ATR: variants seen among roughly 807,000 people sequenced by gnomAD.
ATR encodes serine/threonine-protein kinase ATR.
Under a neutral mutation model 305.3 loss-of-function variants are expected in ATR, and 142 were observed. That is an observed-to-expected ratio of 0.47 (90% CI 0.41 to 0.53). The LOEUF (loss-of-function observed/expected upper bound fraction) is 0.53. Ranked by LOEUF, ATR falls within the 20% of genes least tolerant of loss-of-function variation. The probability of loss-of-function intolerance (pLI) is 0.00; values close to 1 mark genes in which losing one functional copy is unlikely to be tolerated. For synonymous variants in ATR, 1,050 were observed against 1,068.1 expected (o/e 0.98, Z 0.33); for missense variants, 2,135 against 3,133.1 (o/e 0.68, Z 7.60).
intron 41 of ATR, among the ~76,000 whole-genome samples, chr3:142,464,094 GA>G (rs1302654041): frequency 6.6e-6 from 1 of 152,078 alleles, no homozygotes; most frequent in African/African-American, 2.4e-5. Context: ...CAACAGAACT[GA>G]AAAAATGCTA....
intron 30 of ATR, among the ~76,000 whole-genome samples, chr3:142,502,887 T>A (rs1242667551): frequency 1.3e-5 from 2 of 152,226 alleles, no homozygotes; most frequent in Admixed American, 6.5e-5. Context: ...CATGTATTAT[T>A]TTTTGTTTAA....
intron 3 of ATR, among the ~76,000 whole-genome samples, chr3:142,565,186 T>C (rs1240804640): frequency 6.6e-6 from 1 of 152,098 alleles, no homozygotes; most frequent in Non-Finnish European, 1.5e-5. Flanking sequence ...AGAGCACAGT[T>C]TAATAGCCTC....
chr3:142,560,205 A>G, intron 6 of ATR, 58 bp downstream of exon 6: 1 of 1,513,898 alleles, frequency 6.6e-7, no homozygotes, highest in African/African-American at 1.4e-5. Flanking sequence ...ATGAGTAAAC[A>G]GTAAATCCAA....
chr3:142,514,807 CAAAAAA>C (rs56770183), intron 25 of ATR, among the ~76,000 whole-genome samples: 1 of 99,864 alleles, frequency 1.0e-5, no homozygotes. Flanking sequence ...GACTCCGTCA[CAAAAAA>C]AAAAAAAAAA....
At chr3:142,513,704 A>G in intron 25 of ATR, 66 bp from the exon 26 acceptor site, 1 of 1,477,164 alleles carries the variant, frequency 6.8e-7, no homozygotes, top group Non-Finnish European at 9.4e-7. Flanking sequence ...AAAGAGTAGC[A>G]TGTGAGATAA....
chr3:142,471,683 T>C (rs141464362), intron 36 of ATR, among the ~76,000 whole-genome samples: 9 of 152,322 alleles, frequency 5.9e-5, no homozygotes, highest in African/African-American at 2.2e-4. Context: ...ATGTATACAT[T>C]GTGGAAGAGC....
At chr3:142,575,302 T>C (rs559995855) in intron 1 of ATR, among the ~76,000 whole-genome samples, 40 of 152,086 alleles carry the variant, frequency 2.6e-4, no homozygotes, top group African/African-American at 9.4e-4. Flanking sequence ...CTGTGCAACA[T>C]GGTAAAACCC....
In ATR at chr3:142,559,242, TG is replaced by T. The variant is rs745985818; in HGVS notation, c.1732+8del. 12 of 1,610,722 alleles carry T rather than the reference TG, an allele frequency of 7.5e-6. No homozygotes were observed. The highest frequency in any genetic ancestry group is 9.3e-6 in the Non-Finnish European group (11 of 1,177,330). Reference sequence around the variant, plus strand: ...AGGTTATTCTGATCTGTTGCTAATTTGTACTCACCTTGCATATAAATCAAAG... The same window carrying T: ...AGGTTATTCTGATCTGTTGCTAATTTTACTCACCTTGCATATAAATCAAAG... On this transcript the variant is annotated splice_region_variant and intron_variant, in intron 7 of 46. Coordinates refer to ENST00000350721, the MANE Select transcript of ATR (RefSeq NM_001184.4).
chr3:142,499,550 G>A lies in ATR; in HGVS notation c.5380+77C>T, dbSNP rs551011187. The stretch of plus-strand genomic sequence containing the variant: ...ACCTCATGATCCGCCCGCCTCAGCC[G>A]CCCAAAGTGCTGGGATTACAGGCGT... On this transcript the variant is annotated intron_variant, in intron 31 of 46. Coordinates refer to ENST00000350721, the MANE Select transcript of ATR (RefSeq NM_001184.4). The A allele has an allele frequency of 4.4e-4, 600 of 1,357,310 alleles. No homozygotes were observed. The African/African-American group carries it at 6.7e-3, about 15-fold the overall frequency. 84.1% of individuals were successfully genotyped at this position (1,357,310 alleles called of 1,614,324 possible).
intron 16 of ATR, among the ~76,000 whole-genome samples, chr3:142,544,808 A>G (rs1013516704): frequency 6.6e-6 from 1 of 152,092 alleles, no homozygotes; most frequent in African/African-American, 2.4e-5. Flanking sequence ...GGTATCCTAC[A>G]AGTCTCTCCA....
chr3:142,512,366 G>A lies in ATR; in HGVS notation c.4746C>T (p.Phe1582=), dbSNP rs769375698. 2.5e-6 allele frequency: 4 copies of A among 1,613,720 alleles called. No homozygotes were observed. In the African/African-American group the frequency reaches 5.3e-5, roughly 22 times the overall value. Residue 1582 remains phenylalanine, a synonymous_variant, in exon 27 of 47, where the codon TTC becomes TTT. Transcript: ENST00000350721. ...ACTGTGTGAGATGGTCAAGCATGGA[G>A]AACACAGTCTGTGTACTGAGTTGAC... is the stretch of plus-strand genomic sequence containing the variant. ...DLCQLSTQTV[F]SMLDHLTQWA...
intron 21 of ATR, among the ~76,000 whole-genome samples, chr3:142,528,813 T>C (rs1490947161): frequency 7.0e-6 from 1 of 143,830 alleles, no homozygotes; most frequent in Non-Finnish European, 1.5e-5. Context: ...AATCATTTAT[T>C]TGGGTAAGGA....
intron 1 of ATR, among the ~76,000 whole-genome samples, chr3:142,569,650 T>G (rs1223102274): frequency 2.7e-5 from 4 of 150,648 alleles, no homozygotes; most frequent in African/African-American, 9.8e-5. Context: ...ATTTTTTTTG[T>G]TTTTTGGTTT....
chr3:142,465,161 C>A lies in ATR; in HGVS notation c.6977G>T (p.Cys2326Phe), dbSNP rs1448080174. The A allele has an allele frequency of 6.2e-7, 1 of 1,607,972 alleles. No homozygotes were observed. The highest frequency in any genetic ancestry group is 1.1e-5 in the South Asian group (1 of 90,588). Residue 2326 changes from cysteine (C) to phenylalanine (F), a missense_variant, in exon 41 of 47, where the codon TGT (cysteine) becomes TTT (phenylalanine). Around this residue, in one of 9 missense-constraint regions of ATR, gnomAD observed 462 missense variants for 887.6 expected, o/e 0.52. Transcript: ENST00000350721. ...GSDGKFYIMM[C>F]KPKDDLRKDC... ...CTTTCTCAGGTCATCTTTTGGCTTA[C>A]ACATCATGATGTAGAACTTTCCATC...
At position 142,538,570 on chromosome 3, in the gene ATR, T is replaced by C. The variant is rs34766606; in HGVS notation, c.3637A>G (p.Ser1213Gly). The change falls in exon 19 of 47, where the codon AGT becomes GGT. Residue 1213 changes from serine (S) to glycine (G), a missense_variant. Physicochemically the swap from Ser to Gly is moderately conservative, Grantham distance 56. Transcript: ENST00000350721. Reference protein sequence around the residue: ...LDHACLGSLLSHVIVALLPLI... With the variant: ...LDHACLGSLLGHVIVALLPLI... ...GGTAACAAAGCTACTATTACATGAC[T>C]GAGAAGGGAGCCCAGACAAGCATGA... 1.2e-5 allele frequency: 20 copies of C among 1,613,600 alleles called. No homozygotes were observed. The East Asian group carries it at 4.0e-4, about 32-fold the overall frequency.
intron 21 of ATR, among the ~76,000 whole-genome samples, chr3:142,527,786 A>G (rs985835770): frequency 2.0e-5 from 3 of 152,194 alleles, no homozygotes; most frequent in Admixed American, 2.0e-4. Flanking sequence ...TTTTAGTATA[A>G]TGAAGTATAT....
intron 21 of ATR, among the ~76,000 whole-genome samples, chr3:142,530,879 T>G (rs1488969094): frequency 6.6e-6 from 1 of 152,238 alleles, no homozygotes; most frequent in Middle Eastern, 3.2e-3. Flanking sequence ...CATCCTGGAC[T>G]TATTTTCAGT....
intron 34 of ATR, among the ~76,000 whole-genome samples, chr3:142,493,933 G>A (rs1056725654): frequency 6.6e-6 from 1 of 151,134 alleles, no homozygotes; most frequent in Admixed American, 6.6e-5. Context: ...AAAGTTCAGG[G>A]TGAGGTGGGA....
intron 44 of ATR, among the ~76,000 whole-genome samples, chr3:142,458,286 A>G (rs2108258550): frequency 6.6e-6 from 1 of 152,250 alleles, no homozygotes; most frequent in South Asian, 2.1e-4. Flanking sequence ...CCCTTGTCCA[A>G]TCAGTTACCC....
Sources: allele counts gnomAD v4.1 joint callset (sites outside exome capture counted in the v4.1 genomes callset), GRCh38; gene constraint gnomAD v4.1.1; regional missense constraint gnomAD v4.1.1; transcripts MANE v1.5; gene names NCBI Gene and HGNC (gene_info 2026-07-23, HGNC 2026-07-21).